ANKRD11: variants seen among roughly 807,000 people sequenced by gnomAD.
ANKRD11 encodes the protein ankyrin repeat domain 11.
ANKRD11 carries 17 observed loss-of-function variants against 195.7 expected under a neutral mutation model. The observed-to-expected ratio is 0.09, with a 90% CI of 0.06 to 0.13. The LOEUF is 0.13. ANKRD11 is among the 10% of genes least tolerant of loss of function. ANKRD11 has a pLI of 1.00. For synonymous variants in ANKRD11, 1,953 were observed against 1,528.1 expected, an observed-to-expected ratio of 1.28 and a Z score of -6.49; for missense variants, 3,735 against 3,566.1, an observed-to-expected ratio of 1.05 and a Z score of -1.21.
At chr16:89,348,233 C>T (rs973193790) in intron 2 of ANKRD11, among the ~76,000 whole-genome samples, 1 of 152,140 alleles carries the variant, frequency 6.6e-6, no homozygotes, top group East Asian at 1.9e-4. Flanking sequence ...TATCTGGCCT[C>T]AAATACCATT....
At position 89,280,432 on chromosome 16, in the gene ANKRD11, A is replaced by C; in HGVS notation, c.6110T>G (p.Val2037Gly). 1 of 1,579,872 alleles carries C rather than the reference A, an allele frequency of 6.3e-7. No individual in the cohort carries two copies. The highest frequency in any genetic ancestry group is 8.6e-7 in the Non-Finnish European group (1 of 1,162,060). The change falls in exon 9 of 13, where the codon GTC (valine) becomes GGC (glycine). Residue 2037 changes from valine (V) to glycine (G), a missense_variant. Coordinates refer to ENST00000301030, the MANE Select transcript of ANKRD11 (RefSeq NM_013275.6). ...LPVAEPGLED[V>G]KDGVDAVPAA... Reference sequence around the variant, plus strand: ...GGGGACGGCGTCCACTCCGTCCTTGACGTCCTCCAGCCCCGGCTCAGCGAC... The same window carrying C: ...GGGGACGGCGTCCACTCCGTCCTTGCCGTCCTCCAGCCCCGGCTCAGCGAC...
chr16:89,384,879 C>CTTTTTCTTTTTTTTTT (rs2040833636), intron 2 of ANKRD11, among the ~76,000 whole-genome samples: 1 of 49,910 alleles, frequency 2.0e-5, no homozygotes, highest in African/African-American at 7.9e-5. Flanking sequence ...AAATAGTTTT[C>CTTTTTCTTTTTTTTTT]TTTTTTTTTT....
intron 3 of ANKRD11, among the ~76,000 whole-genome samples, chr16:89,310,205 TGTGCGGGGTCCGCCTGTGTGTGGG>T (rs925993252): frequency 1.3e-4 from 20 of 152,280 alleles, no homozygotes; most frequent in African/African-American, 4.1e-4. Context: ...AAACTGTCTA[TGTGCGGGGTCCGCCTGTGTGTGGG>T]GTGCGGGGTC....
At chr16:89,368,380 T>TG (rs2040042259) in intron 2 of ANKRD11, among the ~76,000 whole-genome samples, 3 of 130,732 alleles carry the variant, frequency 2.3e-5, no homozygotes, top group African/African-American at 9.1e-5. Context: ...TGTTTTTTTT[T>TG]TTTTTTTTTT....
chr16:89,437,426 C>T (rs1243283040), intron 1 of ANKRD11, among the ~76,000 whole-genome samples: 2 of 152,150 alleles, frequency 1.3e-5, no homozygotes, highest in Admixed American at 6.5e-5. Context: ...GACTCCTCCA[C>T]ACCCCTACTT....
In ANKRD11 at chr16:89,291,891, C is replaced by T; in HGVS notation, c.227-708G>A. 1.5e-6 allele frequency: 1 copy of T among 683,754 alleles called. No individual in the cohort carries two copies. Among genetic ancestry groups the T allele is most frequent in the Non-Finnish European group, 2.3e-6 (1 of 440,406 alleles). The allele number at this position is 683,754 out of a possible 1,614,324, so 42.4% of individuals were successfully genotyped here. A position where few individuals can be genotyped will look rare whatever the true frequency, so the allele number is the denominator to read the frequency against. On this transcript the variant is annotated intron_variant, in intron 4 of 12. Transcript: ENST00000301030. The surrounding 1 kb of genome is among the most constrained non-coding windows in gnomAD (Gnocchi z 5.3). ...CACTCATCTGACCCGTTACAGAACACTCGGCTGGCGTCTAACGCAACTCAC... is the reference window on the plus strand; with the variant it reads ...CACTCATCTGACCCGTTACAGAACATTCGGCTGGCGTCTAACGCAACTCAC...
chr16:89,274,652 G>T, intron 11 of ANKRD11, 162 bp downstream of exon 11: 2 of 1,098,668 alleles, frequency 1.8e-6, no homozygotes, highest in Non-Finnish European at 2.7e-6. Flanking sequence ...TCCTTTCTGA[G>T]GCTCGCCCAA....
chr16:89,384,879 C>CTTTTTTTTTTTTTTTTTTTT lies in ANKRD11; in HGVS notation c.-60+33385_-60+33404dup, dbSNP rs869271846. Among the ~76,000 whole-genome samples, 117 of 49,942 alleles carry CTTTTTTTTTTTTTTTTTTTT rather than the reference C, an allele frequency of 2.3e-3. 19 individuals carry two copies. The highest frequency in any genetic ancestry group is 2.7e-3 in the Non-Finnish European group (78 of 28,702). 32.8% of individuals were successfully genotyped at this position (49,942 alleles called of 152,430 possible). A position where few individuals can be genotyped will look rare whatever the true frequency, so the allele number is the denominator to read the frequency against. Reference sequence around the variant, plus strand: ...GGAGCACACAATGAGAAATAGTTTTCTTTTTTTTTTTTTTTTTTTTTTTTT... The same window carrying CTTTTTTTTTTTTTTTTTTTT: ...GGAGCACACAATGAGAAATAGTTTTCTTTTTTTTTTTTTTTTTTTTTTTTTTTTTTTTTTTTTTTTTTTTT... On this transcript the variant is annotated intron_variant, in intron 2 of 12. Coordinates refer to ENST00000301030, the MANE Select transcript of ANKRD11 (RefSeq NM_013275.6).
At chr16:89,471,268 C>T (rs928850177) in intron 1 of ANKRD11, among the ~76,000 whole-genome samples, 14 of 152,138 alleles carry the variant, frequency 9.2e-5, no homozygotes, top group Non-Finnish European at 1.6e-4. Context: ...GAAATTCTAG[C>T]GATTTCCAAA....
At chr16:89,310,515 T>A (rs950871408) in intron 3 of ANKRD11, among the ~76,000 whole-genome samples, 4 of 152,372 alleles carry the variant, frequency 2.6e-5, no homozygotes, top group South Asian at 4.1e-4. Flanking sequence ...ACACTGAATC[T>A]GTACATCAAT....
At chr16:89,296,981 G>C (rs1359901363) in intron 4 of ANKRD11, among the ~76,000 whole-genome samples, 1 of 152,176 alleles carries the variant, frequency 6.6e-6, no homozygotes, top group African/African-American at 2.4e-5. Context: ...TGATAGCCCA[G>C]TGTCCAGGAA....
chr16:89,292,156 T>C (rs1489084364), intron 4 of ANKRD11, among the ~76,000 whole-genome samples: 1 of 152,180 alleles, frequency 6.6e-6, no homozygotes, highest in Non-Finnish European at 1.5e-5. Context: ...TGCCAAGGCC[T>C]GACTCGGGGA....
chr16:89,341,168 CTCTGTT>C (rs2038636388), intron 2 of ANKRD11, among the ~76,000 whole-genome samples: 1 of 152,152 alleles, frequency 6.6e-6, no homozygotes, highest in African/African-American at 2.4e-5. Flanking sequence ...AAACCCACAG[CTCTGTT>C]TCTAAGGTGA....
At chr16:89,336,650 C>G (rs997064812) in intron 2 of ANKRD11, among the ~76,000 whole-genome samples, 1 of 152,166 alleles carries the variant, frequency 6.6e-6, no homozygotes, top group Non-Finnish European at 1.5e-5. Context: ...CACCACACCC[C>G]CCGGGTGGGC....
chr16:89,318,446 C>T (rs1336968166), intron 2 of ANKRD11, among the ~76,000 whole-genome samples: 2 of 152,266 alleles, frequency 1.3e-5, no homozygotes, highest in Non-Finnish European at 2.9e-5. Context: ...CTTTCCGCCA[C>T]AGCAGCACCT....
chr16:89,441,042 C>G (rs1250437142), intron 1 of ANKRD11, among the ~76,000 whole-genome samples: 2 of 152,030 alleles, frequency 1.3e-5, no homozygotes, highest in Non-Finnish European at 2.9e-5. Context: ...TCGAGACCAT[C>G]CTGGCTAACA....
chr16:89,281,130 G>T lies in ANKRD11; in HGVS notation c.5412C>A (p.Ser1804Arg). 6.2e-7 allele frequency: 1 copy of T among 1,613,146 alleles called. No individual in the cohort carries two copies. Among genetic ancestry groups the T allele is most frequent in the Non-Finnish European group, 8.5e-7 (1 of 1,179,144 alleles). Residue 1804 changes from serine to arginine, a missense_variant, in exon 9 of 13, where the codon AGC (serine) becomes AGA (arginine). Ser to Arg is a moderately radical substitution (Grantham distance 110). Transcript: ENST00000301030. The surrounding 1 kb of genome is among the most constrained non-coding windows in gnomAD (Gnocchi z 5.5). Reference sequence around the variant, plus strand: ...GCTGCCTGAAGAGCTTGTCTCCGACGCTGAATTCTTCCTCGGGGGTCCTCC... The same window carrying T: ...GCTGCCTGAAGAGCTTGTCTCCGACTCTGAATTCTTCCTCGGGGGTCCTCC... ...DIRRTPEEEF[S>R]VGDKLFRQQS...
At chr16:89,273,132 G>C (rs2033324370) in intron 11 of ANKRD11, 1 of 150,642 alleles carries the variant, frequency 6.6e-6, no homozygotes, top group South Asian at 2.1e-4. Flanking sequence ...TAACTGCATT[G>C]TGTATTTTAA....
chr16:89,299,706 G>T, intron 4 of ANKRD11: 1 of 203,842 alleles, frequency 4.9e-6, no homozygotes, highest in South Asian at 4.6e-5. Flanking sequence ...CCTGCCCTGT[G>T]TGGGGTGCCT....
Sources: gnomAD v4.1 joint callset for allele counts (sites outside exome capture counted in the v4.1 genomes callset) on GRCh38, gnomAD v4.1.1 for gene constraint, Gnocchi (gnomAD v3.1) non-coding constraint, MANE v1.5 for transcripts, NCBI Gene and HGNC (gene_info 2026-07-23, HGNC 2026-07-21) for gene names.